AFF2: variants seen among roughly 807,000 people sequenced by gnomAD.
AFF2 encodes AF4/FMR2 family member 2.
In AFF2, 14 loss-of-function variants were observed where a neutral mutation model predicts 76.9. The observed-to-expected ratio is 0.18, with a 90% CI of 0.12 to 0.28. The LOEUF (loss-of-function observed/expected upper bound fraction) is 0.28. AFF2 is among the 10% of genes least tolerant of loss of function. The pLI, the probability that AFF2 is intolerant of heterozygous loss-of-function variation, is 1.00. For missense variants in AFF2, 868 were observed against 1,001.1 expected, an observed-to-expected ratio of 0.87 and a Z score of 1.79; for synonymous variants, 398 against 366.7, an observed-to-expected ratio of 1.09 and a Z score of -0.98.
At chrX:148,831,604 C>T (rs782045748) in intron 4 of AFF2, among the ~76,000 whole-genome samples, 1 of 112,017 alleles carries the variant, frequency 8.9e-6, no homozygotes, top group South Asian at 3.8e-4. Flanking sequence ...TGCTAATGCC[C>T]TGCCTGGCTT....
intron 7 of AFF2, among the ~76,000 whole-genome samples, chrX:148,867,786 T>C (rs1159578377): frequency 9.0e-6 from 1 of 111,679 alleles, no homozygotes; most frequent in Non-Finnish European, 1.9e-5. Context: ...TGTGGTACTC[T>C]GGAATCTTTG....
At chrX:148,538,210 G>T (rs2052808039) in intron 1 of AFF2, among the ~76,000 whole-genome samples, 1 of 112,751 alleles carries the variant, frequency 8.9e-6, no homozygotes, top group African/African-American at 3.2e-5. Context: ...GACATGTATT[G>T]GATGTTTCCC....
intron 1 of AFF2, among the ~76,000 whole-genome samples, chrX:148,524,992 T>C (rs1473522103): frequency 8.9e-6 from 1 of 112,504 alleles, no homozygotes; most frequent in African/African-American, 3.2e-5. Context: ...GTAAATTAAC[T>C]GTACAAAAAG....
At chrX:148,712,834 G>A (rs946691751) in intron 3 of AFF2, among the ~76,000 whole-genome samples, 6 of 111,900 alleles carry the variant, frequency 5.4e-5, no homozygotes, top group Admixed American at 9.5e-5. Context: ...GGACTCTGCC[G>A]TCTTCAAACT....
intron 3 of AFF2, among the ~76,000 whole-genome samples, chrX:148,702,635 T>C (rs967102939): frequency 3.6e-5 from 4 of 111,788 alleles, no homozygotes; most frequent in Non-Finnish European, 5.6e-5. Flanking sequence ...TGATTTGTCA[T>C]TTCTGAACAG....
At chrX:148,911,577 A>G (rs1460697987) in intron 9 of AFF2, among the ~76,000 whole-genome samples, 1 of 112,179 alleles carries the variant, frequency 8.9e-6, no homozygotes, top group Non-Finnish European at 1.9e-5. Flanking sequence ...TGTAGGCTCA[A>G]AGAAGGAGTT....
At chrX:148,665,743 C>T (rs2054351451) in intron 3 of AFF2, among the ~76,000 whole-genome samples, 1 of 111,922 alleles carries the variant, frequency 8.9e-6, no homozygotes, top group Non-Finnish European at 1.9e-5. Context: ...TTCAAAAGCA[C>T]TTAGCATTAG....
chrX:148,685,941 A>G (rs910314468), intron 3 of AFF2, among the ~76,000 whole-genome samples: 1 of 109,270 alleles, frequency 9.2e-6, no homozygotes, highest in Non-Finnish European at 1.9e-5. Flanking sequence ...TCTCTCTCTC[A>G]CACACACAGA....
At chrX:148,826,338 A>G (rs989350485) in intron 4 of AFF2, among the ~76,000 whole-genome samples, 1 of 110,516 alleles carries the variant, frequency 9.0e-6, no homozygotes, top group African/African-American at 3.3e-5. Context: ...AACTATCAAT[A>G]AAAGAAACTT....
intron 3 of AFF2, among the ~76,000 whole-genome samples, chrX:148,704,578 G>A (rs993229952): frequency 2.0e-5 from 2 of 97,701 alleles, no homozygotes; most frequent in Admixed American, 1.2e-4. Flanking sequence ...GCAGGCTGGA[G>A]TGCAGTGGCA....
chrX:148,568,286 C>T (rs1026586933), intron 1 of AFF2, among the ~76,000 whole-genome samples: 1 of 111,672 alleles, frequency 9.0e-6, no homozygotes, highest in Admixed American at 9.5e-5. Flanking sequence ...AGTACGCATT[C>T]GAATCATTGG....
At chrX:148,940,504 T>G (rs1325805299) in intron 9 of AFF2, among the ~76,000 whole-genome samples, 1 of 112,193 alleles carries the variant, frequency 8.9e-6, no homozygotes, top group Non-Finnish European at 1.9e-5. Context: ...ATTGCTAAAT[T>G]TCCTAAATCC....
chrX:148,754,396 T>C (rs192542182), intron 3 of AFF2, among the ~76,000 whole-genome samples: 6 of 110,889 alleles, frequency 5.4e-5, no homozygotes, highest in Admixed American at 4.8e-4. Context: ...CTTTTTTTTT[T>C]TCTCTGGGAA....
At chrX:148,505,412 A>C (rs1481459237) in intron 1 of AFF2, among the ~76,000 whole-genome samples, 1 of 112,273 alleles carries the variant, frequency 8.9e-6, no homozygotes, top group East Asian at 2.8e-4. Context: ...TTTAAAATAT[A>C]CAAATCAAGG....
chrX:148,526,186 CTTATT>C (rs1353485062), intron 1 of AFF2, among the ~76,000 whole-genome samples: 1 of 110,879 alleles, frequency 9.0e-6, no homozygotes, highest in Non-Finnish European at 1.9e-5. Context: ...TCGGTGGATT[CTTATT>C]TTATTTAATG....
intron 3 of AFF2, among the ~76,000 whole-genome samples, chrX:148,768,172 A>G (rs1399951436): frequency 2.8e-5 from 3 of 108,471 alleles, no homozygotes; most frequent in Non-Finnish European, 5.7e-5. Flanking sequence ...GCCCCTTTTC[A>G]GCCCTTTTCT....
At chrX:148,549,296 C>T (rs995429387) in intron 1 of AFF2, among the ~76,000 whole-genome samples, 3 of 111,931 alleles carry the variant, frequency 2.7e-5, no homozygotes, top group Non-Finnish European at 3.8e-5. Flanking sequence ...AGAGTGAATG[C>T]GTGGAAGAAG....
intron 7 of AFF2, among the ~76,000 whole-genome samples, chrX:148,874,232 G>A (rs782207079): frequency 3.6e-5 from 4 of 111,670 alleles, no homozygotes; most frequent in African/African-American, 9.7e-5. Flanking sequence ...CAGAGACCTG[G>A]TGATTTCCTC....
chrX:148,571,661 C>T (rs1294163037), intron 1 of AFF2, among the ~76,000 whole-genome samples: 2 of 111,369 alleles, frequency 1.8e-5, no homozygotes, highest in Admixed American at 1.9e-4. Context: ...GCACTGAGTT[C>T]ACTGGCTTAA....
Sources: allele counts gnomAD v4.1 joint callset (sites outside exome capture counted in the v4.1 genomes callset), GRCh38; gene constraint gnomAD v4.1.1; transcripts MANE v1.5; gene names NCBI Gene and HGNC (gene_info 2026-07-23, HGNC 2026-07-21).